The following COL4A5 variants were observed in gnomAD, a reference collection of about 807,000 sequenced individuals.
COL4A5 encodes the protein collagen alpha-5(IV) chain.
In COL4A5, 26 loss-of-function variants were observed where a neutral mutation model predicts 130.2. The ratio of observed to expected loss-of-function variants is 0.20; its 90% CI spans 0.15 to 0.28. The LOEUF (loss-of-function observed/expected upper bound fraction) is 0.28, where lower values mean the gene tolerates loss of function less well. Ranked by LOEUF, COL4A5 falls within the 10% of genes least tolerant of loss-of-function variation. The pLI is 1.00. For synonymous variants in COL4A5, 496 were observed against 439.6 expected, an observed-to-expected ratio of 1.13 and a Z score of -1.60; for missense variants, 1,131 against 1,344.3, an observed-to-expected ratio of 0.84 and a Z score of 2.48.
chrX:108,545,910 A>T (rs2065642921), intron 2 of COL4A5, among the ~76,000 whole-genome samples: 1 of 110,986 alleles, frequency 9.0e-6, no homozygotes, highest in African/African-American at 3.3e-5. Flanking sequence ...AGTGTGTTTT[A>T]TCAGAGACTA....
At position 108,584,536 on chromosome X, in the gene COL4A5, T is replaced by A. The variant is rs202140357; in HGVS notation, c.1032+11T>A. 133 of 1,197,002 alleles carry A rather than the reference T, an allele frequency of 1.1e-4. No individual in the cohort carries two copies. The highest frequency in any genetic ancestry group is 5.0e-5 in the Non-Finnish European group (44 of 887,225). The stretch of plus-strand genomic sequence containing the variant: ...GGACCTCCTGGACTTGTAAGTTTTT[T>A]TTTTTTAGTCTTCGTTTATCAAATT... On this transcript the variant is annotated intron_variant, in intron 18 of 52. Transcript: ENST00000328300.
chrX:108,684,424 A>G (rs1013983723), intron 47 of COL4A5, among the ~76,000 whole-genome samples: 1 of 111,898 alleles, frequency 8.9e-6, no homozygotes, highest in Non-Finnish European at 1.9e-5. Flanking sequence ...AGGGGATATC[A>G]CCACCGATCC....
chrX:108,475,567 T>C (rs1429357655), intron 1 of COL4A5, among the ~76,000 whole-genome samples: 1 of 111,465 alleles, frequency 9.0e-6, no homozygotes, highest in Non-Finnish European at 1.9e-5. Context: ...AAATGTGATA[T>C]TATCTCAGTG....
intron 9 of COL4A5, among the ~76,000 whole-genome samples, chrX:108,574,763 G>GT (rs1392764665): frequency 9.0e-6 from 1 of 111,326 alleles, no homozygotes; most frequent in Non-Finnish European, 1.9e-5. Flanking sequence ...ACCATTTGGT[G>GT]TTTTTTGTTT....
At chrX:108,627,077 A>G (rs778360488) in intron 36 of COL4A5, 1 of 652,059 alleles carries the variant, frequency 1.5e-6, no homozygotes, top group Admixed American at 9.0e-5. Flanking sequence ...AATATTATAT[A>G]AAAATACTTT....
chrX:108,632,970 T>A (rs958001527), intron 36 of COL4A5, among the ~76,000 whole-genome samples: 1 of 111,409 alleles, frequency 9.0e-6, no homozygotes, highest in Non-Finnish European at 1.9e-5. Context: ...GTGTTGGAAG[T>A]TCTGGCCAGG....
chrX:108,507,054 A>G (rs1368527664), intron 1 of COL4A5, among the ~76,000 whole-genome samples: 1 of 110,360 alleles, frequency 9.1e-6, no homozygotes, highest in Non-Finnish European at 1.9e-5. Flanking sequence ...AGTAATAAAT[A>G]GCCTACCAAC....
intron 1 of COL4A5, among the ~76,000 whole-genome samples, chrX:108,498,217 G>T (rs2065050290): frequency 9.0e-6 from 1 of 110,916 alleles, no homozygotes; most frequent in Non-Finnish European, 1.9e-5. Context: ...TAAAATATGG[G>T]TATACTGTTG....
At chrX:108,490,954 A>G (rs1347118975) in intron 1 of COL4A5, among the ~76,000 whole-genome samples, 2 of 111,919 alleles carry the variant, frequency 1.8e-5, no homozygotes, top group African/African-American at 3.2e-5. Flanking sequence ...TTCCAGCTCC[A>G]TCTGTGTTCT....
At chrX:108,635,922 G>T (rs28735571) in intron 36 of COL4A5, among the ~76,000 whole-genome samples, 11,661 of 111,778 alleles carry the variant, frequency 0.1, 1,300 homozygotes, top group African/African-American at 0.34. Context: ...TTGGAGGTAA[G>T]TATTGGGTAT....
intron 37 of COL4A5, among the ~76,000 whole-genome samples, chrX:108,660,622 T>A (rs2067938002): frequency 8.9e-6 from 1 of 111,991 alleles, no homozygotes; most frequent in African/African-American, 3.2e-5. Context: ...ATTTTGCTCC[T>A]TTATATTATG....
intron 21 of COL4A5, among the ~76,000 whole-genome samples, chrX:108,593,666 A>G (rs73528305): frequency 0.1 from 11,251 of 111,164 alleles, 1,293 homozygotes; most frequent in African/African-American, 0.33. Context: ...AGAACAAAAG[A>G]TCATCAATTA....
At chrX:108,660,698 G>C (rs1277643543) in intron 37 of COL4A5, among the ~76,000 whole-genome samples, 2 of 110,906 alleles carry the variant, frequency 1.8e-5, no homozygotes, top group African/African-American at 6.5e-5. Context: ...GTTTCTTTTT[G>C]TTGTGGTTAG....
intron 49 of COL4A5, 66 bp downstream of exon 49, chrX:108,687,760 T>C (rs953442994): frequency 1.9e-6 from 2 of 1,062,677 alleles, no homozygotes; most frequent in African/African-American, 3.7e-5. Context: ...CCTGTTGGGT[T>C]CTAGAGTAGC....
At chrX:108,618,531 GA>G (rs2066976827) in intron 30 of COL4A5, among the ~76,000 whole-genome samples, 1 of 111,603 alleles carries the variant, frequency 9.0e-6, no homozygotes. Context: ...ATACTTTTGT[GA>G]ATGTAAATAT....
At chrX:108,634,029 G>A (rs2067312225) in intron 36 of COL4A5, among the ~76,000 whole-genome samples, 2 of 110,733 alleles carry the variant, frequency 1.8e-5, no homozygotes, top group African/African-American at 6.6e-5. Flanking sequence ...ACAATCAGTG[G>A]ACAGTAATTT....
chrX:108,664,524 A>T (rs1603309157), intron 37 of COL4A5, among the ~76,000 whole-genome samples: 1 of 112,201 alleles, frequency 8.9e-6, no homozygotes, highest in East Asian at 2.8e-4. Flanking sequence ...TTTTCTTAGG[A>T]TACAAAAAGC....
At position 108,668,377 on chromosome X, in the gene COL4A5, A is replaced by G; in HGVS notation, c.3663A>G (p.Pro1221=). ...GIPGNPGLPG[P]KGEPGFHGFP... ...CAGGAAATCCTGGCCTTCCAGGTCC[A>G]AAGGGCGAACCAGGCTTTCACGGTT... is the stretch of plus-strand genomic sequence containing the variant. Residue 1221 remains proline, a synonymous_variant, in exon 41 of 53, where the codon CCA becomes CCG. Coordinates refer to ENST00000328300, the MANE Select transcript of COL4A5 (RefSeq NM_033380.3). 8.3e-7 allele frequency: 1 copy of G among 1,211,538 alleles called. No individual in the cohort carries two copies. The highest frequency in any genetic ancestry group is 1.1e-6 in the Non-Finnish European group (1 of 895,388).
chrX:108,556,106 A>G (rs1201105294), intron 2 of COL4A5, among the ~76,000 whole-genome samples: 1 of 111,655 alleles, frequency 9.0e-6, no homozygotes, highest in Non-Finnish European at 1.9e-5. Context: ...ATTTCCTGGA[A>G]TGGAGAAGAC....
Sources: allele counts gnomAD v4.1 joint callset (sites outside exome capture counted in the v4.1 genomes callset), GRCh38; gene constraint gnomAD v4.1.1; transcripts MANE v1.5; gene names NCBI Gene and HGNC (gene_info 2026-07-23, HGNC 2026-07-21).